The following IPO11 variants were observed in gnomAD, a reference collection of about 807,000 sequenced individuals.
The protein encoded by IPO11 is importin-11.
Under a neutral mutation model 143.2 loss-of-function variants are expected in IPO11, and 66 were observed. The observed-to-expected ratio is 0.46, with a 90% confidence interval of 0.38 to 0.57. The LOEUF is 0.57. Ranked by LOEUF, IPO11 falls within the 20% of genes least tolerant of loss-of-function variation. The probability of loss-of-function intolerance (pLI) is 0.00; values close to 1 mark genes in which losing one functional copy is unlikely to be tolerated. For missense variants in IPO11, 1,026 were observed against 1,141.0 expected, an observed-to-expected ratio of 0.90 and a Z score of 1.45; for synonymous variants, 385 against 377.8, an observed-to-expected ratio of 1.02 and a Z score of -0.22.
intron 24 of IPO11, among the ~76,000 whole-genome samples, chr5:62,541,405 C>T (rs905967603): frequency 6.7e-5 from 10 of 150,212 alleles, no homozygotes; most frequent in East Asian, 2.0e-4. Context: ...TTTGACCAGG[C>T]GTGGTGGCTC....
At chr5:62,583,299 G>A (rs972917857) in intron 27 of IPO11, among the ~76,000 whole-genome samples, 3 of 152,048 alleles carry the variant, frequency 2.0e-5, no homozygotes, top group Non-Finnish European at 4.4e-5. Flanking sequence ...ACTTCTCCAT[G>A]CCTCCCTTCC....
At chr5:62,583,656 T>C (rs1019817845) in intron 27 of IPO11, among the ~76,000 whole-genome samples, 6 of 152,172 alleles carry the variant, frequency 3.9e-5, no homozygotes, top group African/African-American at 1.2e-4. Flanking sequence ...AGCTACCCCC[T>C]TGAAAAATGT....
chr5:62,502,476 T>C (rs963604134), intron 16 of IPO11, among the ~76,000 whole-genome samples: 4 of 152,234 alleles, frequency 2.6e-5, no homozygotes, highest in African/African-American at 7.2e-5. Context: ...TGTCATCATT[T>C]AAAATGCTCT....
chr5:62,593,480 T>G (rs1186026997), intron 28 of IPO11, among the ~76,000 whole-genome samples: 1 of 152,084 alleles, frequency 6.6e-6, no homozygotes, highest in African/African-American at 2.4e-5. Flanking sequence ...GAAACCCTTA[T>G]CTCTACTAAA....
chr5:62,448,130 T>C, intron 3 of IPO11, among the ~76,000 whole-genome samples: 1 of 152,160 alleles, frequency 6.6e-6, no homozygotes. Context: ...AGACTCCCAG[T>C]GGATGCCTGA....
chr5:62,467,686 C>A (rs1464342333), intron 6 of IPO11, among the ~76,000 whole-genome samples: 1 of 152,148 alleles, frequency 6.6e-6, no homozygotes, highest in African/African-American at 2.4e-5. Flanking sequence ...CATCTTTCAT[C>A]TTAGTGCCTC....
chr5:62,467,830 T>C (rs568687418), intron 6 of IPO11, among the ~76,000 whole-genome samples: 1 of 152,352 alleles, frequency 6.6e-6, no homozygotes, highest in South Asian at 2.1e-4. Flanking sequence ...TTGATGAATG[T>C]ATTCCTAGGT....
At chr5:62,449,596 T>A (rs992985125) in intron 3 of IPO11, 4 of 173,400 alleles carry the variant, frequency 2.3e-5, no homozygotes, top group African/African-American at 9.4e-5. Flanking sequence ...TTTGTCTTAT[T>A]TCCTCTTGCT....
At chr5:62,465,598 C>G (rs1051651736) in intron 5 of IPO11, among the ~76,000 whole-genome samples, 5 of 152,176 alleles carry the variant, frequency 3.3e-5, no homozygotes, top group African/African-American at 1.2e-4. Context: ...AGTATTTTGG[C>G]TGTAATAAAA....
At chr5:62,477,875 C>T (rs1401005633) in intron 9 of IPO11, among the ~76,000 whole-genome samples, 1 of 152,174 alleles carries the variant, frequency 6.6e-6, no homozygotes, top group South Asian at 2.1e-4. Flanking sequence ...GAAGCAATTT[C>T]ATTTATGAAA....
chr5:62,415,959 G>A (rs1157491201), intron 1 of IPO11, among the ~76,000 whole-genome samples: 4 of 152,014 alleles, frequency 2.6e-5, no homozygotes, highest in East Asian at 1.9e-4. Context: ...TGCTAGGGCC[G>A]CCACAACAAA....
intron 28 of IPO11, among the ~76,000 whole-genome samples, chr5:62,596,698 A>G (rs1745234747): frequency 1.3e-5 from 2 of 152,166 alleles, no homozygotes; most frequent in Non-Finnish European, 2.9e-5. Context: ...ACATCTGTAT[A>G]TTATCTTAAC....
chr5:62,488,328 C>G (rs1312118834), intron 13 of IPO11, among the ~76,000 whole-genome samples: 1 of 152,182 alleles, frequency 6.6e-6, no homozygotes, highest in African/African-American at 2.4e-5. Context: ...TTTATGATTT[C>G]TGTCTTTTCT....
intron 27 of IPO11, among the ~76,000 whole-genome samples, chr5:62,589,883 G>A (rs1177068352): frequency 2.0e-5 from 3 of 152,132 alleles, no homozygotes; most frequent in African/African-American, 4.8e-5. Flanking sequence ...GTAGGCTGAC[G>A]GGAGTCCTGG....
chr5:62,589,496 T>C (rs1744933475), intron 27 of IPO11, among the ~76,000 whole-genome samples: 1 of 152,168 alleles, frequency 6.6e-6, no homozygotes, highest in Non-Finnish European at 1.5e-5. Context: ...CCATTTATCT[T>C]TCATAGCCAA....
intron 1 of IPO11, among the ~76,000 whole-genome samples, chr5:62,428,924 C>T (rs191982477): frequency 1.3e-5 from 2 of 152,256 alleles, no homozygotes; most frequent in Admixed American, 6.5e-5. Flanking sequence ...GCCTAAACCT[C>T]CCAAAGTGCC....
intron 9 of IPO11, among the ~76,000 whole-genome samples, chr5:62,480,287 C>A (rs889008696): frequency 1.3e-5 from 2 of 152,062 alleles, no homozygotes. Context: ...TATTCTGTTC[C>A]GTTGGTCTAT....
chr5:62,413,651 GT>G lies in IPO11; in HGVS notation c.-7+724del, dbSNP rs1399688737. ...ATTACCTACTAGTGCCAAGGTTGCA[GT>G]TGACATACCTCCTCCCCTCCATAAT... On this transcript the variant is annotated intron_variant, in intron 1 of 29. Coordinates refer to ENST00000325324, the MANE Select transcript of IPO11 (RefSeq NM_016338.5). Among the ~76,000 whole-genome samples the G allele has an allele frequency of 3.9e-5, 6 of 152,320 alleles. No homozygotes were observed. In the South Asian group the frequency reaches 1.2e-3, roughly 32 times the overall value.
intron 1 of IPO11, among the ~76,000 whole-genome samples, chr5:62,420,581 T>G (rs1031183905): frequency 4.3e-5 from 6 of 138,552 alleles, no homozygotes; most frequent in African/African-American, 8.1e-5. Flanking sequence ...TGACTGAAAC[T>G]TTTTTTTTTT....
Sources: gnomAD v4.1 joint callset for allele counts (sites outside exome capture counted in the v4.1 genomes callset) on GRCh38, gnomAD v4.1.1 for gene constraint, MANE v1.5 for transcripts, NCBI Gene and HGNC (gene_info 2026-07-23, HGNC 2026-07-21) for gene names.